The following CSMD1 variants were observed in gnomAD, a reference collection of about 807,000 sequenced individuals.
The protein encoded by CSMD1 is CUB and sushi domain-containing protein 1.
CSMD1 carries 213 observed loss-of-function variants against 417.5 expected under a neutral mutation model. That is an observed-to-expected ratio of 0.51 (90% CI 0.46 to 0.57). The LOEUF (loss-of-function observed/expected upper bound fraction) is 0.57, where lower values mean the gene tolerates loss of function less well. CSMD1 is among the 20% of genes least tolerant of loss of function. The pLI, the probability that CSMD1 is intolerant of heterozygous loss-of-function variation, is 0.00. For missense variants in CSMD1, 6,923 were observed against 4,529.7 expected (o/e 1.53, Z -15.17); for synonymous variants, 2,862 against 1,736.8 (o/e 1.65, Z -16.11).
intron 3 of CSMD1, among the ~76,000 whole-genome samples, chr8:4,211,539 G>C (rs62501368): frequency 2.0e-4 from 30 of 152,030 alleles, no homozygotes; most frequent in African/African-American, 5.8e-4. Flanking sequence ...GTATACTTTT[G>C]AGCATTCCAA....
At chr8:4,358,092 A>G (rs1801532754) in intron 3 of CSMD1, among the ~76,000 whole-genome samples, 1 of 152,332 alleles carries the variant, frequency 6.6e-6, no homozygotes, top group African/African-American at 2.4e-5. Flanking sequence ...ATGTATACAT[A>G]CATATGCTAT....
chr8:4,198,602 A>T (rs1176852363), intron 3 of CSMD1, among the ~76,000 whole-genome samples: 4 of 152,158 alleles, frequency 2.6e-5, no homozygotes, highest in Non-Finnish European at 5.9e-5. Context: ...ATTTTAACGT[A>T]ATGAGTCTTT....
chr8:3,662,676 C>G (rs201150044), intron 7 of CSMD1, among the ~76,000 whole-genome samples: 99 of 152,240 alleles, frequency 6.5e-4, no homozygotes, highest in African/African-American at 2.2e-3. Context: ...ACAATCAGTT[C>G]ATGTCCTTTG....
chr8:3,634,558 C>T (rs1194679564), intron 7 of CSMD1, among the ~76,000 whole-genome samples: 4 of 152,192 alleles, frequency 2.6e-5, no homozygotes, highest in Admixed American at 2.6e-4. Flanking sequence ...TAAACTGTCT[C>T]TTTTCACTGT....
intron 7 of CSMD1, among the ~76,000 whole-genome samples, chr8:3,667,391 G>C: frequency 6.6e-6 from 1 of 152,108 alleles, no homozygotes; most frequent in East Asian, 1.9e-4. Flanking sequence ...TCGGAGGAGT[G>C]AAAATTGAGG....
chr8:4,315,203 G>C (rs575154588), intron 3 of CSMD1, among the ~76,000 whole-genome samples: 1 of 152,278 alleles, frequency 6.6e-6, no homozygotes, highest in African/African-American at 2.4e-5. Flanking sequence ...ACCTACCAGA[G>C]GTGGCACTTT....
intron 4 of CSMD1, among the ~76,000 whole-genome samples, chr8:4,013,145 A>G (rs1481037032): frequency 6.6e-6 from 1 of 151,962 alleles, no homozygotes; most frequent in Non-Finnish European, 1.5e-5. Context: ...TTGTGCTCCC[A>G]CACTGCTCAG....
chr8:4,096,337 G>A (rs59286892), intron 3 of CSMD1, among the ~76,000 whole-genome samples: 33,817 of 151,378 alleles, frequency 0.22, 4,628 homozygotes, highest in African/African-American at 0.38. Flanking sequence ...CCCAGAAATA[G>A]GACAGCTTGG....
intron 7 of CSMD1, among the ~76,000 whole-genome samples, chr8:3,657,775 C>T (rs903703896): frequency 6.6e-6 from 1 of 152,058 alleles, no homozygotes; most frequent in Admixed American, 6.6e-5. Context: ...AGCAAACCAC[C>T]ATGGCACGTG....
intron 7 of CSMD1, among the ~76,000 whole-genome samples, chr8:3,638,528 C>T (rs992400460): frequency 6.6e-6 from 1 of 151,982 alleles, no homozygotes. Context: ...TTTGGTAATT[C>T]AGGAGTAGCA....
At chr8:3,551,816 C>T (rs1384475925) in intron 10 of CSMD1, among the ~76,000 whole-genome samples, 3 of 152,010 alleles carry the variant, frequency 2.0e-5, no homozygotes, top group South Asian at 4.1e-4. Context: ...ACATGCAGTA[C>T]CTGCATCAGT....
intron 3 of CSMD1, among the ~76,000 whole-genome samples, chr8:4,257,228 T>C (rs1027535336): frequency 1.3e-5 from 2 of 152,170 alleles, no homozygotes; most frequent in Non-Finnish European, 2.9e-5. Context: ...AAGAGACTAA[T>C]ACTATTCTGC....
rs190351170 is a variant in CSMD1 at position 3,627,677 on chromosome 8, T to C, written c.1010-10880A>G. Among the ~76,000 whole-genome samples, 104 of 152,320 alleles carry C rather than the reference T, an allele frequency of 6.8e-4. 1 individual carries two copies. In the Middle Eastern group the frequency reaches 0.014, roughly 20 times the overall value. The stretch of plus-strand genomic sequence containing the variant: ...AGGAAGGGTGATCACATATGCAATG[T>C]TTTATGGTAAGCACGTTTTTATGTA... On this transcript the variant is annotated intron_variant, in intron 7 of 69. Coordinates refer to ENST00000635120, the MANE Select transcript of CSMD1 (RefSeq NM_033225.6).
intron 1 of CSMD1, chr8:4,787,669 T>A: frequency 1.3e-6 from 2 of 1,588,698 alleles, no homozygotes; most frequent in Non-Finnish European, 1.7e-6. Context: ...AGGAAGGATA[T>A]AAGTTTACCC....
At chr8:4,301,791 G>C (rs1011171304) in intron 3 of CSMD1, among the ~76,000 whole-genome samples, 5 of 152,134 alleles carry the variant, frequency 3.3e-5, no homozygotes, top group Admixed American at 3.3e-4. Context: ...GTAAACTCTT[G>C]ATTTTGCCAG....
In CSMD1 at chr8:4,023,775, TTTTTTTTTTG is replaced by T. The variant is rs1460032426; in HGVS notation, c.610+8120_610+8129del. ...CTAATTTTTTTTTTTTTTTTTTTTT[TTTTTTTTTTG>T]TGTGTGTATTTTTAGTAGAGACGGG... On this transcript the variant is annotated intron_variant, in intron 4 of 69. Coordinates refer to ENST00000635120, the MANE Select transcript of CSMD1 (RefSeq NM_033225.6). 8.4e-5 allele frequency among the ~76,000 whole-genome samples: 10 copies of T among 119,020 alleles called. 1 individual carries two copies. In the East Asian group the frequency reaches 3.2e-3, roughly 38 times the overall value. The allele number at this position is 119,020 out of a possible 152,430, so 78.1% of individuals were successfully genotyped here.
intron 32 of CSMD1, 100 bp downstream of exon 32, chr8:3,201,512 T>C (rs761246418): frequency 3.0e-5 from 17 of 561,622 alleles, no homozygotes; most frequent in Non-Finnish European, 4.6e-5. Flanking sequence ...AATGATTACA[T>C]TTCTCATTCA....
chr8:4,348,874 C>G (rs1047801353), intron 3 of CSMD1, among the ~76,000 whole-genome samples: 3 of 152,134 alleles, frequency 2.0e-5, no homozygotes, highest in Non-Finnish European at 4.4e-5. Flanking sequence ...ATCTACATGT[C>G]TGTTGCTCTG....
intron 41 of CSMD1, among the ~76,000 whole-genome samples, chr8:3,120,709 G>GGC (rs560124576): frequency 5.3e-5 from 8 of 150,462 alleles, no homozygotes; most frequent in African/African-American, 9.7e-5. Flanking sequence ...TAGCCAGGGG[G>GGC]GGTGACCGGC....
Sources: gnomAD v4.1 joint callset for allele counts (sites outside exome capture counted in the v4.1 genomes callset) on GRCh38, gnomAD v4.1.1 for gene constraint, MANE v1.5 for transcripts, NCBI Gene and HGNC (gene_info 2026-07-23, HGNC 2026-07-21) for gene names.